Variants in CAPN7 observed in about 807,000 individuals in gnomAD.
CAPN7 encodes calpain-7.
Under a neutral mutation model 115.2 loss-of-function variants are expected in CAPN7, and 72 were observed. The ratio of observed to expected loss-of-function variants is 0.63; its 90% CI spans 0.52 to 0.76. The LOEUF is 0.76. Among genes scored for constraint, CAPN7 ranks in the 30% least tolerant of loss-of-function variants. CAPN7 has a pLI of 0.00. For synonymous variants in CAPN7, 344 were observed against 322.3 expected, an observed-to-expected ratio of 1.07 and a Z score of -0.72; for missense variants, 905 against 971.5, an observed-to-expected ratio of 0.93 and a Z score of 0.91.
chr3:15,249,719 C>T (rs1695885872), intron 19 of CAPN7, among the ~76,000 whole-genome samples: 1 of 151,706 alleles, frequency 6.6e-6, no homozygotes, highest in Non-Finnish European at 1.5e-5. Flanking sequence ...TGTTTCAGGG[C>T]TTTCTTTCCT....
Position 15,221,701 on chromosome 3 carries a change from A to G in CAPN7, c.638+720A>G, listed in dbSNP as rs1166629004. On this transcript the variant is annotated intron_variant, in intron 5 of 20. Coordinates refer to ENST00000253693, the MANE Select transcript of CAPN7 (RefSeq NM_014296.3). ...ATAGGAGTGTAGGTGGTGTGCTGGC[A>G]GCTCACCCCTGCAATCCCAGCATTT... is the stretch of plus-strand genomic sequence containing the variant. Among the ~76,000 whole-genome samples, 4 of 152,076 alleles carry G rather than the reference A, an allele frequency of 2.6e-5. No individual in the cohort carries two copies. The East Asian group carries it at 7.7e-4, about 29-fold the overall frequency.
intron 16 of CAPN7, among the ~76,000 whole-genome samples, chr3:15,245,308 A>G (rs959411454): frequency 1.3e-5 from 2 of 152,024 alleles, no homozygotes; most frequent in South Asian, 2.1e-4. Flanking sequence ...AAGTACTATT[A>G]TACTTCATTG....
intron 2 of CAPN7, among the ~76,000 whole-genome samples, chr3:15,216,953 GA>G (rs1425797218): frequency 6.6e-6 from 1 of 151,878 alleles, no homozygotes; most frequent in African/African-American, 2.4e-5. Context: ...GAGAAGGGAG[GA>G]AGGCTGGGCA....
Position 15,245,535 on chromosome 3 carries a change from C to T in CAPN7, c.1874C>T (p.Pro625Leu). The T allele has an allele frequency of 1.2e-6, 2 of 1,613,068 alleles. No homozygotes were observed. The highest frequency in any genetic ancestry group is 8.5e-7 in the Non-Finnish European group (1 of 1,179,578). Reference protein sequence around the residue: ...GKKVYYPADPPPYIDGIRINS... With the variant: ...GKKVYYPADPLPYIDGIRINS... The stretch of plus-strand genomic sequence containing the variant: ...ACTTGTTTGTTTGCAGCTGACCCAC[C>T]TCCATACATTGATGGAATTCGAATT... Residue 625 changes from proline to leucine, a missense_variant, in exon 17 of 21, where the codon CCT becomes CTT. Physicochemically the swap from Pro to Leu is moderately conservative, Grantham distance 98 (BLOSUM62 -3). Coordinates refer to ENST00000253693, the MANE Select transcript of CAPN7 (RefSeq NM_014296.3).
At chr3:15,232,691 A>G in intron 10 of CAPN7, 26 bp downstream of exon 10, 4 of 1,571,102 alleles carry the variant, frequency 2.5e-6, no homozygotes, top group Non-Finnish European at 3.4e-6. Flanking sequence ...GACGATCCAG[A>G]CACAGATTTA....
chr3:15,236,755 G>A (rs796204499), intron 12 of CAPN7, among the ~76,000 whole-genome samples: 8 of 152,208 alleles, frequency 5.3e-5, no homozygotes, highest in African/African-American at 1.9e-4. Flanking sequence ...ATAACAACTT[G>A]GTATTTGTAT....
At position 15,229,561 on chromosome 3, in the gene CAPN7, C is replaced by CTTT. The variant is rs566957976; in HGVS notation, c.938+528_938+530dup. Among the ~76,000 whole-genome samples the CTTT allele has an allele frequency of 1.9e-3, 164 of 87,866 alleles. 19 individuals are homozygous for CTTT. Among genetic ancestry groups the CTTT allele is most frequent in the African/African-American group, 4.7e-3 (114 of 24,262 alleles). The allele number at this position is 87,866 out of a possible 152,430, so 57.6% of individuals were successfully genotyped here. A position where few individuals can be genotyped will look rare whatever the true frequency, so the allele number is the denominator to read the frequency against. The stretch of plus-strand genomic sequence containing the variant: ...CATCAAAATTGGTTTTACTTTTTTT[C>CTTT]TTTTTTTTTTTTTTTTTTTTTTTTT... On this transcript the variant is annotated intron_variant, in intron 8 of 20. Transcript: ENST00000253693.
At chr3:15,218,407 A>G in intron 3 of CAPN7, 66 bp from the exon 4 acceptor site, 1 of 1,249,946 alleles carries the variant, frequency 8.0e-7, no homozygotes, top group Non-Finnish European at 1.2e-6. Context: ...TTTGCTTAGA[A>G]ATATGGATCA....
chr3:15,249,006 C>CAAAAAAAAA (rs1460568964), intron 19 of CAPN7, among the ~76,000 whole-genome samples: 33 of 50,690 alleles, frequency 6.5e-4, no homozygotes, highest in African/African-American at 1.9e-3. Context: ...ATACAACAAC[C>CAAAAAAAAA]AAAAAAAAAA....
At chr3:15,242,790 C>T (rs572533549) in intron 16 of CAPN7, among the ~76,000 whole-genome samples, 1 of 152,296 alleles carries the variant, frequency 6.6e-6, no homozygotes, top group African/African-American at 2.4e-5. Flanking sequence ...TAAGGTCCAG[C>T]CTAAATACCA....
Position 15,251,256 on chromosome 3 carries a change from A to G in CAPN7, c.2438A>G (p.Gln813Arg). ...ATCCCCATCAAGATCACACAACTTC[A>G]GTGATGGAGAAATCTCAAGTTACTG... ...SIIPIKITQL[Q>R] The change falls in exon 21 of 21, where the codon CAG (glutamine) becomes CGG (arginine). Residue 813 changes from glutamine (Q) to arginine (R), a missense_variant. Around this residue, in one of 3 missense-constraint regions of CAPN7, gnomAD observed 620 missense variants for 703.4 expected, o/e 0.88. Transcript: ENST00000253693. The G allele has an allele frequency of 6.3e-7, 1 of 1,580,784 alleles. No homozygotes were observed. Among genetic ancestry groups the G allele is most frequent in the Non-Finnish European group, 8.5e-7 (1 of 1,170,546 alleles).
At chr3:15,234,477 G>A (rs1694875029) in intron 11 of CAPN7, among the ~76,000 whole-genome samples, 1 of 152,032 alleles carries the variant, frequency 6.6e-6, no homozygotes, top group Admixed American at 6.5e-5. Context: ...TCCCTTAATA[G>A]TTACAGTTAA....
At chr3:15,227,145 A>G (rs984476047) in intron 6 of CAPN7, among the ~76,000 whole-genome samples, 1 of 152,028 alleles carries the variant, frequency 6.6e-6, no homozygotes, top group African/African-American at 2.4e-5. Flanking sequence ...GAAAGGGGGA[A>G]AGGTAGATGT....
At chr3:15,221,590 G>A (rs964997034) in intron 5 of CAPN7, among the ~76,000 whole-genome samples, 1 of 152,028 alleles carries the variant, frequency 6.6e-6, no homozygotes. Flanking sequence ...TAAAGGTTAA[G>A]GAGCAAAATG....
chr3:15,251,048 C>A, intron 20 of CAPN7, 25 bp downstream of exon 20: 1 of 1,595,824 alleles, frequency 6.3e-7, no homozygotes. Context: ...TTTATTGTAT[C>A]TATTTTATAC....
Position 15,207,298 on chromosome 3 carries a change from T to TA in CAPN7, c.102+711dup, listed in dbSNP as rs756553318. On this transcript the variant is annotated intron_variant, in intron 1 of 20. Coordinates refer to ENST00000253693, the MANE Select transcript of CAPN7 (RefSeq NM_014296.3). ...TACAGTAAACATGCAGCATAAAAGA[T>TA]AAAAAAAAAATACTACACCAGTGTG... 2.3e-3 allele frequency among the ~76,000 whole-genome samples: 345 copies of TA among 149,080 alleles called. 1 individual carries two copies. Among genetic ancestry groups the TA allele is most frequent in the Middle Eastern group, 3.5e-3 (1 of 286 alleles).
chr3:15,227,992 T>C (rs1694428264), intron 7 of CAPN7, 27 bp downstream of exon 7: 1 of 1,390,810 alleles, frequency 7.2e-7, no homozygotes, highest in African/African-American at 1.5e-5. Context: ...TATGATTTTA[T>C]AGAAAAGTCA....
intron 4 of CAPN7, among the ~76,000 whole-genome samples, chr3:15,220,124 C>T (rs945165823): frequency 1.3e-5 from 2 of 151,942 alleles, no homozygotes; most frequent in African/African-American, 2.4e-5. Context: ...TCGCTTGACT[C>T]GGAAGGCAGA....
intron 2 of CAPN7, among the ~76,000 whole-genome samples, chr3:15,215,164 C>T (rs2045176105): frequency 6.6e-6 from 1 of 152,084 alleles, no homozygotes; most frequent in African/African-American, 2.4e-5. Context: ...GTGGTGAGTG[C>T]CTGTAGTTCC....
Sources: allele counts gnomAD v4.1 joint callset (sites outside exome capture counted in the v4.1 genomes callset), GRCh38; gene constraint gnomAD v4.1.1; regional missense constraint gnomAD v4.1.1; transcripts MANE v1.5; gene names NCBI Gene and HGNC (gene_info 2026-07-23, HGNC 2026-07-21).